Variants in IL1RAPL1 observed in about 807,000 individuals in gnomAD.
IL1RAPL1 encodes interleukin-1 receptor accessory protein-like 1.
Under a neutral mutation model 48.4 loss-of-function variants are expected in IL1RAPL1, and 3 were observed. The observed-to-expected ratio is 0.06, with a 90% CI of 0.03 to 0.16. The LOEUF is 0.16. Among genes scored for constraint, IL1RAPL1 ranks in the 10% least tolerant of loss-of-function variants. The probability of loss-of-function intolerance (pLI) is 1.00; values close to 1 mark genes in which losing one functional copy is unlikely to be tolerated. For missense variants in IL1RAPL1, 349 were observed against 530.6 expected, an observed-to-expected ratio of 0.66 and a Z score of 3.36; for synonymous variants, 185 against 187.7, an observed-to-expected ratio of 0.99 and a Z score of 0.12.
chrX:28,965,299 A>C (rs1456910927), intron 2 of IL1RAPL1, among the ~76,000 whole-genome samples: 1 of 111,451 alleles, frequency 9.0e-6, no homozygotes, highest in Admixed American at 9.6e-5. Flanking sequence ...CCTGCATTTC[A>C]AGGTACAGAA....
At chrX:29,456,645 G>C (rs2083942451) in intron 5 of IL1RAPL1, among the ~76,000 whole-genome samples, 1 of 111,125 alleles carries the variant, frequency 9.0e-6, no homozygotes, top group African/African-American at 3.3e-5. Context: ...AGATTGAAAA[G>C]GGGCTTATCA....
At chrX:28,602,742 G>A (rs1934041689) in intron 1 of IL1RAPL1, among the ~76,000 whole-genome samples, 1 of 111,408 alleles carries the variant, frequency 9.0e-6, no homozygotes, top group African/African-American at 3.3e-5. Flanking sequence ...TTATTAATTT[G>A]GGTACTCCTG....
intron 2 of IL1RAPL1, among the ~76,000 whole-genome samples, chrX:29,254,461 G>T (rs1199391901): frequency 9.3e-6 from 1 of 108,029 alleles, no homozygotes; most frequent in Non-Finnish European, 1.9e-5. Flanking sequence ...GTGAGAGAGA[G>T]CAAAGAGGGG....
At chrX:29,201,428 A>C (rs1930552947) in intron 2 of IL1RAPL1, among the ~76,000 whole-genome samples, 1 of 111,737 alleles carries the variant, frequency 8.9e-6, no homozygotes, top group African/African-American at 3.2e-5. Context: ...CATTTAAAAA[A>C]AAATATGACG....
chrX:29,699,709 C>T (rs765836222), intron 6 of IL1RAPL1, among the ~76,000 whole-genome samples: 1 of 111,839 alleles, frequency 8.9e-6, no homozygotes, highest in Non-Finnish European at 1.9e-5. Flanking sequence ...TTTGTTCTGA[C>T]GTTTTGATTG....
At chrX:29,392,570 G>A (rs1297314725) in intron 3 of IL1RAPL1, among the ~76,000 whole-genome samples, 2 of 112,310 alleles carry the variant, frequency 1.8e-5, no homozygotes, top group Non-Finnish European at 3.8e-5. Context: ...AACATCGAAA[G>A]TAATTTGAAA....
chrX:29,548,439 A>G (rs761532175), intron 5 of IL1RAPL1, among the ~76,000 whole-genome samples: 1 of 112,412 alleles, frequency 8.9e-6, no homozygotes, highest in African/African-American at 3.2e-5. Flanking sequence ...ACTTCATGAA[A>G]TAAATTAGAA....
At chrX:29,556,425 G>T (rs1197428513) in intron 5 of IL1RAPL1, among the ~76,000 whole-genome samples, 2 of 111,156 alleles carry the variant, frequency 1.8e-5, no homozygotes, top group African/African-American at 6.6e-5. Context: ...GAGGAGGATG[G>T]ATTGCTCGAG....
At chrX:29,649,733 A>T (rs1309595431) in intron 5 of IL1RAPL1, among the ~76,000 whole-genome samples, 2 of 111,471 alleles carry the variant, frequency 1.8e-5, no homozygotes, top group Non-Finnish European at 3.8e-5. Context: ...ACTTCTATTC[A>T]ACATAGTACT....
chrX:29,339,995 C>G (rs955545474), intron 3 of IL1RAPL1, among the ~76,000 whole-genome samples: 2 of 111,915 alleles, frequency 1.8e-5, no homozygotes, highest in South Asian at 7.4e-4. Flanking sequence ...ACCTTCATCC[C>G]TATAGCTTAG....
At chrX:29,938,930 T>A (rs1933079459) in intron 8 of IL1RAPL1, among the ~76,000 whole-genome samples, 2 of 112,559 alleles carry the variant, frequency 1.8e-5, no homozygotes, top group African/African-American at 6.4e-5. Flanking sequence ...CTTTTATTGC[T>A]GAGTATATTC....
At chrX:28,959,169 A>G (rs1209720180) in intron 2 of IL1RAPL1, among the ~76,000 whole-genome samples, 1 of 98,511 alleles carries the variant, frequency 1.0e-5, no homozygotes, top group Non-Finnish European at 2.0e-5. Context: ...TTGACACTTT[A>G]TTGTGTATCT....
rs894805840 is a variant in IL1RAPL1 at position 29,368,590 on chromosome X, CTT to C, written c.363-27650_363-27649del. ...TGTTTGTTTGTTTTTCTTTTTCTTT[CTT>C]TTTTTTTTTTTTTTTTTGTAGAGAC... On this transcript the variant is annotated intron_variant, in intron 3 of 10. Coordinates refer to ENST00000378993, the MANE Select transcript of IL1RAPL1 (RefSeq NM_014271.4). Among the ~76,000 whole-genome samples, 428 of 87,600 alleles carry C rather than the reference CTT, an allele frequency of 4.9e-3. 3 individuals are homozygous for C. The highest frequency in any genetic ancestry group is 0.018 in the African/African-American group (396 of 22,506). 76.1% of individuals were successfully genotyped at this position (87,600 alleles called of 115,157 possible).
intron 2 of IL1RAPL1, among the ~76,000 whole-genome samples, chrX:29,093,701 A>G (rs1462391996): frequency 8.9e-6 from 1 of 112,309 alleles, no homozygotes; most frequent in Non-Finnish European, 1.9e-5. Context: ...CTTCCTAGGT[A>G]GGCATTATTT....
chrX:29,512,997 T>A lies in IL1RAPL1; in HGVS notation c.703+113689T>A, dbSNP rs762804896. Reference sequence around the variant, plus strand: ...ACATAAAATAAATAATGGTTTTAAATCAGTAGTGATATTGTCAATTTGTGT... The same window carrying A: ...ACATAAAATAAATAATGGTTTTAAAACAGTAGTGATATTGTCAATTTGTGT... On this transcript the variant is annotated intron_variant, in intron 5 of 10. Transcript: ENST00000378993. 2.7e-3 allele frequency among the ~76,000 whole-genome samples: 300 copies of A among 112,137 alleles called. 1 individual carries two copies. Among genetic ancestry groups the A allele is most frequent in the Non-Finnish European group, 5.0e-3 (264 of 53,077 alleles).
rs762316502 is a variant in IL1RAPL1 at position 29,491,995 on chromosome X, G to A, written c.703+92687G>A. Among the ~76,000 whole-genome samples, 165 of 112,060 alleles carry A rather than the reference G, an allele frequency of 1.5e-3. 1 individual carries two copies. Among genetic ancestry groups the A allele is most frequent in the African/African-American group, 5.0e-3 (155 of 30,876 alleles). On this transcript the variant is annotated intron_variant, in intron 5 of 10. Coordinates refer to ENST00000378993, the MANE Select transcript of IL1RAPL1 (RefSeq NM_014271.4). ...TCTTTGTTTCTATTTGTAACTTTACGTGTCTGCATTGGTAAATGTCAGGTA... is the reference window on the plus strand; with the variant it reads ...TCTTTGTTTCTATTTGTAACTTTACATGTCTGCATTGGTAAATGTCAGGTA...
At chrX:28,713,579 G>A (rs1176464362) in intron 1 of IL1RAPL1, among the ~76,000 whole-genome samples, 1 of 111,135 alleles carries the variant, frequency 9.0e-6, no homozygotes, top group Non-Finnish European at 1.9e-5. Context: ...GCAACTTACA[G>A]CAGGAAGGAT....
intron 2 of IL1RAPL1, among the ~76,000 whole-genome samples, chrX:28,981,825 G>C (rs764806371): frequency 9.0e-6 from 1 of 111,226 alleles, no homozygotes; most frequent in Non-Finnish European, 1.9e-5. Flanking sequence ...CACAAATCCT[G>C]AAGTATCCTA....
intron 3 of IL1RAPL1, among the ~76,000 whole-genome samples, chrX:29,337,578 A>C (rs746564738): frequency 8.9e-6 from 1 of 111,916 alleles, no homozygotes; most frequent in African/African-American, 3.2e-5. Flanking sequence ...CATCTGAAAA[A>C]TAGGAGTTGT....
Sources: gnomAD v4.1 joint callset for allele counts (sites outside exome capture counted in the v4.1 genomes callset) on GRCh38, gnomAD v4.1.1 for gene constraint, MANE v1.5 for transcripts, NCBI Gene and HGNC (gene_info 2026-07-23, HGNC 2026-07-21) for gene names.